Variants in ZNF618 observed in about 807,000 individuals in gnomAD.
The protein encoded by ZNF618 is neural precursor cell expressed, developmentally down-regulated 10.
ZNF618 carries 34 observed loss-of-function variants against 103.0 expected under a neutral mutation model. That is an observed-to-expected ratio of 0.33 (90% CI 0.25 to 0.44). The LOEUF (loss-of-function observed/expected upper bound fraction) is 0.44. ZNF618 is among the 20% of genes least tolerant of loss of function. The probability of loss-of-function intolerance (pLI) is 1.00; values close to 1 mark genes in which losing one functional copy is unlikely to be tolerated. For missense variants in ZNF618, 1,059 were observed against 1,295.4 expected (o/e 0.82, Z 2.80); for synonymous variants, 551 against 542.2 (o/e 1.02, Z -0.23).
chr9:113,978,950 C>T (rs1230521604), intron 2 of ZNF618, among the ~76,000 whole-genome samples: 1 of 152,146 alleles, frequency 6.6e-6, no homozygotes, highest in African/African-American at 2.4e-5. Context: ...GTTATTTGTG[C>T]CATTTGCATC....
At chr9:114,029,415 G>A (rs1329595213) in intron 11 of ZNF618, among the ~76,000 whole-genome samples, 1 of 152,106 alleles carries the variant, frequency 6.6e-6, no homozygotes, top group Non-Finnish European at 1.5e-5. Flanking sequence ...ACAGGACAAC[G>A]ATTGGCTGCC....
intron 10 of ZNF618, among the ~76,000 whole-genome samples, chr9:114,021,535 T>A (rs1843064362): frequency 6.6e-6 from 1 of 152,112 alleles, no homozygotes; most frequent in African/African-American, 2.4e-5. Context: ...AAGGTCATAA[T>A]TAAGAAAATG....
At chr9:113,959,416 A>T (rs927454746) in intron 1 of ZNF618, among the ~76,000 whole-genome samples, 1 of 152,202 alleles carries the variant, frequency 6.6e-6, no homozygotes, top group Non-Finnish European at 1.5e-5. Flanking sequence ...TAGAATGAAC[A>T]CACATTAATC....
chr9:114,020,840 G>A (rs1032080832), intron 10 of ZNF618, among the ~76,000 whole-genome samples: 25 of 151,806 alleles, frequency 1.6e-4, no homozygotes, highest in African/African-American at 5.8e-4. Context: ...ATGTTGAATA[G>A]AAGAAATTAG....
intron 1 of ZNF618, among the ~76,000 whole-genome samples, chr9:113,888,685 T>C (rs1176077025): frequency 6.6e-6 from 1 of 152,132 alleles, no homozygotes; most frequent in Non-Finnish European, 1.5e-5. Context: ...CCACAGGCTG[T>C]TGGAGGAGAA....
At chr9:113,990,392 A>C (rs966318486) in intron 3 of ZNF618, among the ~76,000 whole-genome samples, 2 of 152,152 alleles carry the variant, frequency 1.3e-5, no homozygotes, top group Non-Finnish European at 2.9e-5. Context: ...TACCAAACAA[A>C]GTATTGGTTT....
chr9:113,876,652 T>G (rs1827968940), intron 1 of ZNF618, among the ~76,000 whole-genome samples: 1 of 151,510 alleles, frequency 6.6e-6, no homozygotes, highest in Admixed American at 6.6e-5. Context: ...CAGCGCCCCC[T>G]CCGGCCCCGG....
chr9:113,897,633 C>A (rs1299105937), intron 1 of ZNF618, among the ~76,000 whole-genome samples: 1 of 152,088 alleles, frequency 6.6e-6, no homozygotes, highest in Non-Finnish European at 1.5e-5. Context: ...TATTGTTTGC[C>A]TTCCGTAATT....
intron 1 of ZNF618, among the ~76,000 whole-genome samples, chr9:113,920,262 T>C (rs184742854): frequency 6.6e-6 from 1 of 152,264 alleles, no homozygotes; most frequent in East Asian, 1.9e-4. Flanking sequence ...TGGAGCCCTT[T>C]AGGGGCTAGG....
rs564329980 is a variant in ZNF618, at chr9:113,910,229, T to A, written c.33+33816T>A. Among the ~76,000 whole-genome samples the A allele has an allele frequency of 3.9e-5, 6 of 152,164 alleles. No individual in the cohort carries two copies. The South Asian group carries it at 1.2e-3, about 32-fold the overall frequency. ...TGCTGAGGCAGTTGGTGCCATGGCC[T>A]CCCAGACCACAGAAAGAGAGTAGGG... is the stretch of plus-strand genomic sequence containing the variant. On this transcript the variant is annotated intron_variant, in intron 1 of 14. Coordinates refer to ENST00000374126, the MANE Select transcript of ZNF618 (RefSeq NM_001318042.2).
chr9:113,946,610 C>T (rs573621746), intron 1 of ZNF618, among the ~76,000 whole-genome samples: 1 of 152,190 alleles, frequency 6.6e-6, no homozygotes, highest in Admixed American at 6.5e-5. Context: ...ATTACCAGTG[C>T]GAGGTAGGGG....
chr9:114,007,969 TG>T (rs945827951), intron 7 of ZNF618, among the ~76,000 whole-genome samples: 3 of 152,204 alleles, frequency 2.0e-5, no homozygotes, highest in Non-Finnish European at 2.9e-5. Flanking sequence ...CTGTTACCAC[TG>T]GCCCATCTCT....
chr9:113,951,886 T>C (rs1835813901), intron 1 of ZNF618, among the ~76,000 whole-genome samples: 1 of 152,032 alleles, frequency 6.6e-6, no homozygotes, highest in Non-Finnish European at 1.5e-5. Context: ...GGGACTCAAG[T>C]TGCCACCGCA....
chr9:113,964,625 C>G (rs1190821955), intron 1 of ZNF618, among the ~76,000 whole-genome samples: 2 of 151,970 alleles, frequency 1.3e-5, no homozygotes, highest in African/African-American at 2.4e-5. Context: ...ACAGCGGTTC[C>G]CCACGTGCTT....
At chr9:113,981,989 T>C (rs922590707) in intron 2 of ZNF618, among the ~76,000 whole-genome samples, 4 of 148,702 alleles carry the variant, frequency 2.7e-5, no homozygotes, top group African/African-American at 9.7e-5. Context: ...TGAAGAACTG[T>C]CAGGTGAGAC....
chr9:113,925,941 C>T (rs907322022), intron 1 of ZNF618, among the ~76,000 whole-genome samples: 1 of 152,028 alleles, frequency 6.6e-6, no homozygotes, highest in African/African-American at 2.4e-5. Context: ...TTTTATTTTA[C>T]TCTTATTTAT....
intron 13 of ZNF618, among the ~76,000 whole-genome samples, chr9:114,042,911 C>T (rs1588445206): frequency 6.6e-6 from 1 of 152,224 alleles, no homozygotes; most frequent in South Asian, 2.1e-4. Flanking sequence ...CTACCCTAGC[C>T]ACTGGCAGGT....
chr9:113,884,641 T>G (rs1346386913), intron 1 of ZNF618, among the ~76,000 whole-genome samples: 1 of 152,144 alleles, frequency 6.6e-6, no homozygotes, highest in Non-Finnish European at 1.5e-5. Context: ...GTCCTTAGTA[T>G]TATATAATGC....
intron 1 of ZNF618, among the ~76,000 whole-genome samples, chr9:113,909,510 G>A (rs1831309815): frequency 6.6e-6 from 1 of 152,152 alleles, no homozygotes; most frequent in East Asian, 1.9e-4. Flanking sequence ...GTGGGCAGCT[G>A]TCCAGAAACC....
Sources: allele counts gnomAD v4.1 joint callset (sites outside exome capture counted in the v4.1 genomes callset), GRCh38; gene constraint gnomAD v4.1.1; transcripts MANE v1.5; gene names NCBI Gene and HGNC (gene_info 2026-07-23, HGNC 2026-07-21).